Variants in P3H1 observed in about 807,000 individuals in gnomAD.
The protein encoded by P3H1 is prolyl 3-hydroxylase 1, also known as growth suppressor 1.
P3H1 carries 69 observed loss-of-function variants against 84.0 expected under a neutral mutation model. The observed-to-expected ratio is 0.82, with a 90% CI of 0.68 to 1.00. The LOEUF (loss-of-function observed/expected upper bound fraction) is 1.00. Ranked by LOEUF, P3H1 falls within the 50% of genes least tolerant of loss-of-function variation. The pLI, the probability that P3H1 is intolerant of heterozygous loss-of-function variation, is 0.00. For synonymous variants in P3H1, 366 were observed against 388.8 expected, an observed-to-expected ratio of 0.94 and a Z score of 0.69; for missense variants, 878 against 962.8, an observed-to-expected ratio of 0.91 and a Z score of 1.17.
chr1:42,762,145 C>A, intron 2 of P3H1, 178 bp downstream of exon 2: 1 of 619,514 alleles, frequency 1.6e-6, no homozygotes. Context: ...AGAATGCATG[C>A]CTGTAGTCCC....
In P3H1 at chr1:42,766,699, C is replaced by T; in HGVS notation, c.273G>A (p.Trp91Ter). 2 of 1,533,846 alleles carry T rather than the reference C, an allele frequency of 1.3e-6. No homozygotes were observed. Among genetic ancestry groups the T allele is most frequent in the Non-Finnish European group, 8.8e-7 (1 of 1,140,776 alleles). Residue 91 changes from tryptophan (W) to a stop codon, truncating the protein, a stop_gained, in exon 1 of 15, where the codon TGG becomes TGA. Coordinates refer to ENST00000296388, the MANE Select transcript of P3H1 (RefSeq NM_022356.4). LOFTEE classifies it high-confidence loss of function. Reference sequence around the variant, plus strand: ...CCGAGGCCTGGGCCGGGCTGGGGGACCAGTCGGGGTCCAGCTCCCACGGGA... The same window carrying T: ...CCGAGGCCTGGGCCGGGCTGGGGGATCAGTCGGGGTCCAGCTCCCACGGGA... ...ADFPWELDPD[W>*]SPSPAQASGA...
In P3H1 at chr1:42,766,576, G is replaced by C. The variant is rs748627996; in HGVS notation, c.396C>G (p.Leu132=). The part of the protein sequence containing the change: ...RCLGPPAAHS[L]SEEMELEFRK... Reference sequence around the variant, plus strand: ...GGAACTCCAGCTCCATCTCTTCGCTGAGCGAGTGGGCGGCCGGCGGCCCGA... The same window carrying C: ...GGAACTCCAGCTCCATCTCTTCGCTCAGCGAGTGGGCGGCCGGCGGCCCGA... Residue 132 remains leucine, a synonymous_variant, in exon 1 of 15, where the codon CTC becomes CTG. Transcript: ENST00000296388. 60 of 1,611,316 alleles carry C rather than the reference G, an allele frequency of 3.7e-5. No homozygotes were observed. The highest frequency in any genetic ancestry group is 4.8e-5 in the Non-Finnish European group (57 of 1,179,260).
chr1:42,747,533 G>T, intron 13 of P3H1, 121 bp from the exon 14 acceptor site: 1 of 1,143,966 alleles, frequency 8.7e-7, no homozygotes. Context: ...GCTTCCCTAA[G>T]ACCAGAACTA....
chr1:42,756,394 G>A (rs1300101063), intron 5 of P3H1: 1 of 154,258 alleles, frequency 6.5e-6, no homozygotes, highest in Non-Finnish European at 1.5e-5. Flanking sequence ...TCCCAGGCAA[G>A]GCTTACCCAG....
chr1:42,762,402 T>G lies in P3H1; in HGVS notation c.539A>C (p.Gln180Pro). The part of the protein sequence containing the change: ...FVGNPEHMEM[Q>P]QNLDYYQTMS... ...GGTTTGGTAATAGTCTAGGTTCTGCTGCATTTCCATGTGCTCAGGATTGCC... is the reference window on the plus strand; with the variant it reads ...GGTTTGGTAATAGTCTAGGTTCTGCGGCATTTCCATGTGCTCAGGATTGCC... The change falls in exon 2 of 15, where the codon CAG (glutamine) becomes CCG (proline). Residue 180 changes from glutamine to proline, a missense_variant. Transcript: ENST00000296388. 2 of 1,614,214 alleles carry G rather than the reference T, an allele frequency of 1.2e-6. No individual in the cohort carries two copies. Among genetic ancestry groups the G allele is most frequent in the Non-Finnish European group, 1.7e-6 (2 of 1,180,012 alleles).
chr1:42,748,021 T>C (rs748607868), intron 12 of P3H1, among the ~76,000 whole-genome samples, 179 bp downstream of exon 12: 3 of 152,186 alleles, frequency 2.0e-5, no homozygotes, highest in Non-Finnish European at 4.4e-5. Context: ...CACACCACGA[T>C]ATGATTCCCT....
In P3H1 at chr1:42,763,672, CAAAAAAAAA is replaced by C. The variant is rs766034061; in HGVS notation, c.466-1206_466-1198del. Reference sequence around the variant, plus strand: ...GGGTGACAGAGCGAGACTCTTGTCTCAAAAAAAAAAAAAAAAAAAAAAAAAAAAGAAATC... The same window carrying C: ...GGGTGACAGAGCGAGACTCTTGTCTCAAAAAAAAAAAAAAAAAAAGAAATC... On this transcript the variant is annotated intron_variant, in intron 1 of 14. Coordinates refer to ENST00000296388, the MANE Select transcript of P3H1 (RefSeq NM_022356.4). 5.8e-4 allele frequency among the ~76,000 whole-genome samples: 24 copies of C among 41,522 alleles called. No homozygotes were observed. In the South Asian group the frequency reaches 6.5e-3, roughly 11 times the overall value. 27.2% of individuals were successfully genotyped at this position (41,522 alleles called of 152,430 possible).
chr1:42,755,855 C>G (rs1652378959), intron 5 of P3H1, among the ~76,000 whole-genome samples: 2 of 152,138 alleles, frequency 1.3e-5, no homozygotes, highest in South Asian at 4.1e-4. Context: ...ACTGGAATAA[C>G]CAGGCTTTCC....
chr1:42,762,560 G>T, intron 1 of P3H1, 85 bp from the exon 2 acceptor site: 1 of 1,464,802 alleles, frequency 6.8e-7, no homozygotes, highest in Non-Finnish European at 9.5e-7. Flanking sequence ...ACATAAACAG[G>T]AAATCCCTGC....
intron 11 of P3H1, 42 bp downstream of exon 11, chr1:42,750,144 A>G (rs1450088712): frequency 6.2e-7 from 1 of 1,600,996 alleles, no homozygotes; most frequent in African/African-American, 1.3e-5. Context: ...GAGCTGAGGT[A>G]CAGCATGCGG....
intron 7 of P3H1, 67 bp from the exon 8 acceptor site, chr1:42,755,057 A>C (rs1652317662): frequency 1.2e-6 from 2 of 1,613,838 alleles, no homozygotes; most frequent in Non-Finnish European, 1.7e-6. Context: ...CGACTTCCCA[A>C]ACTGGACCTG....
intron 1 of P3H1, 69 bp from the exon 2 acceptor site, chr1:42,762,544 C>T (rs1652778382): frequency 6.4e-7 from 1 of 1,551,186 alleles, no homozygotes; most frequent in Admixed American, 1.7e-5. Flanking sequence ...TCCACATGAG[C>T]AGTCCACATA....
chr1:42,747,969 C>T (rs563068562), intron 12 of P3H1, among the ~76,000 whole-genome samples, 171 bp from the exon 13 acceptor site: 3 of 152,256 alleles, frequency 2.0e-5, no homozygotes, highest in Non-Finnish European at 2.9e-5. Flanking sequence ...TCTCCACCCT[C>T]GCCTTAGAGT....
intron 8 of P3H1, 119 bp from the exon 9 acceptor site, chr1:42,752,783 A>T: frequency 7.9e-7 from 1 of 1,266,618 alleles, no homozygotes; most frequent in Admixed American, 2.0e-5. Context: ...TCACCAGCAA[A>T]ATCTCCCGCT....
At position 42,755,560 on chromosome 1, in the gene P3H1, G is replaced by A; in HGVS notation, c.1158C>T (p.Pro386=). The part of the protein sequence containing the change: ...LFFAYDVFGI[P]FVDPDSWTPE... ...TACCCTAGCTCACCGGATCCACAAA[G>A]GGAATTCCAAAAACATCATAAGCGA... Residue 386 remains proline, a synonymous_variant, in exon 6 of 15, where the codon CCC becomes CCT. Coordinates refer to ENST00000296388, the MANE Select transcript of P3H1 (RefSeq NM_022356.4). 1 of 1,613,838 alleles carries A rather than the reference G, an allele frequency of 6.2e-7. No individual in the cohort carries two copies. The highest frequency in any genetic ancestry group is 8.5e-7 in the Non-Finnish European group (1 of 1,179,812).
At chr1:42,749,115 G>A (rs1651892747) in intron 11 of P3H1, among the ~76,000 whole-genome samples, 1 of 152,214 alleles carries the variant, frequency 6.6e-6, no homozygotes, top group African/African-American at 2.4e-5. Flanking sequence ...ACACACAGCA[G>A]CAAAATGAAT....
Position 42,759,260 on chromosome 1 carries a change from T to C in P3H1, c.749A>G (p.Tyr250Cys), listed in dbSNP as rs1250740001. ...AAGGTAGTTGTAGCCATCGTAGTCA[T>C]AGGGCCCTTCGCAGAGGGCACGGCA... Reference protein sequence around the residue: ...EECRALCEGPYDYDGYNYLEY... With the variant: ...EECRALCEGPCDYDGYNYLEY... The change falls in exon 3 of 15, where the codon TAT becomes TGT. Residue 250 changes from tyrosine to cysteine, a missense_variant. Coordinates refer to ENST00000296388, the MANE Select transcript of P3H1 (RefSeq NM_022356.4). 9.9e-6 allele frequency: 16 copies of C among 1,614,062 alleles called. No individual in the cohort carries two copies. Among genetic ancestry groups the C allele is most frequent in the Middle Eastern group, 1.6e-4 (1 of 6,084 alleles).
intron 5 of P3H1, 93 bp downstream of exon 5, chr1:42,757,690 A>T: frequency 1.9e-6 from 3 of 1,585,578 alleles, no homozygotes; most frequent in Non-Finnish European, 2.6e-6. Flanking sequence ...CCTGCCCTGC[A>T]CGCACAGCGC....
At chr1:42,747,029 C>A in intron 14 of P3H1, 177 bp from the exon 15 acceptor site, 1 of 1,614,194 alleles carries the variant, frequency 6.2e-7, no homozygotes, top group Non-Finnish European at 8.5e-7. Context: ...AGGAGGGAAC[C>A]AAGAACTCAG....
Sources: allele counts gnomAD v4.1 joint callset (sites outside exome capture counted in the v4.1 genomes callset), GRCh38; gene constraint gnomAD v4.1.1; transcripts MANE v1.5; gene names NCBI Gene and HGNC (gene_info 2026-07-23, HGNC 2026-07-21).